Variants in VSIG10 observed in about 807,000 individuals in gnomAD.
VSIG10 encodes V-set and immunoglobulin domain containing 10, also known as V-set and immunoglobulin domain-containing protein 10.
VSIG10 carries 48 observed loss-of-function variants against 58.7 expected under a neutral mutation model. That is an observed-to-expected ratio of 0.82 (90% CI 0.65 to 1.04). The LOEUF (loss-of-function observed/expected upper bound fraction) is 1.04, where lower values mean the gene tolerates loss of function less well. Ranked by LOEUF, VSIG10 falls within the 50% of genes least tolerant of loss-of-function variation. The pLI is 0.00. For synonymous variants in VSIG10, 260 were observed against 267.1 expected (o/e 0.97, Z 0.26); for missense variants, 628 against 670.0 (o/e 0.94, Z 0.69).
chr12:118,103,485 G>C, intron 1 of VSIG10, 108 bp downstream of exon 1: 1 of 1,170,120 alleles, frequency 8.5e-7, no homozygotes, highest in Non-Finnish European at 1.1e-6. Context: ...TCTAGGCTGG[G>C]GCCACCACGG....
chr12:118,073,759 T>A lies in VSIG10; in HGVS notation c.1159A>T (p.Ile387Phe), dbSNP rs770379918. The stretch of plus-strand genomic sequence containing the variant: ...CCTACAGGGCTGTCAGCTCGGCAGA[T>A]GTAGTAGCCCTCATCCAGGTCCTGG... ...CSQDLDEGYY[I>F]CRADSPVGVR... is the part of the protein sequence containing the mutation. Residue 387 changes from isoleucine to phenylalanine, a missense_variant, in exon 5 of 9, where the codon ATC (isoleucine) becomes TTC (phenylalanine). Physicochemically the swap from Ile to Phe is conservative, Grantham distance 21 (BLOSUM62 0). Transcript: ENST00000359236. The A allele has an allele frequency of 6.2e-7, 1 of 1,613,926 alleles. No homozygotes were observed. The highest frequency in any genetic ancestry group is 1.1e-5 in the South Asian group (1 of 91,068).
At chr12:118,099,104 C>T (rs924500044) in intron 1 of VSIG10, among the ~76,000 whole-genome samples, 3 of 150,786 alleles carry the variant, frequency 2.0e-5, no homozygotes, top group Middle Eastern at 3.4e-3. Flanking sequence ...GACAGGTGTC[C>T]GGGTGTGAGT....
chr12:118,103,564 AC>A (rs1271021858), intron 1 of VSIG10, 28 bp downstream of exon 1: 7 of 1,503,274 alleles, frequency 4.7e-6, no homozygotes, highest in Non-Finnish European at 6.2e-6. Flanking sequence ...GGAAAACTCA[AC>A]TTTTCCCTCC....
At chr12:118,095,895 G>T in intron 1 of VSIG10, 81 bp from the exon 2 acceptor site, 1 of 1,322,802 alleles carries the variant, frequency 7.6e-7, no homozygotes, top group Non-Finnish European at 1.0e-6. Context: ...TCCTGTATTA[G>T]GATTTTTTTA....
intron 8 of VSIG10, 97 bp downstream of exon 8, chr12:118,068,280 C>T: frequency 1.6e-6 from 2 of 1,255,018 alleles, no homozygotes; most frequent in South Asian, 3.0e-5. Flanking sequence ...AGTGATCTTC[C>T]CACCTTGGCC....
chr12:118,096,180 T>A (rs1395092685), intron 1 of VSIG10, among the ~76,000 whole-genome samples: 1 of 151,100 alleles, frequency 6.6e-6, no homozygotes, highest in Admixed American at 6.6e-5. Flanking sequence ...GTCAGGCTCA[T>A]GCCTGTAATC....
intron 1 of VSIG10, among the ~76,000 whole-genome samples, chr12:118,096,177 T>C (rs1327429930): frequency 6.6e-6 from 1 of 151,684 alleles, no homozygotes; most frequent in Non-Finnish European, 1.5e-5. Flanking sequence ...AAAGTCAGGC[T>C]CATGCCTGTA....
intron 4 of VSIG10, among the ~76,000 whole-genome samples, chr12:118,076,896 C>G (rs998318470): frequency 6.6e-6 from 1 of 152,044 alleles, no homozygotes; most frequent in African/African-American, 2.4e-5. Context: ...TAGCCGTAAG[C>G]TATCCTCCTG....
Position 118,063,602 on chromosome 12 carries a change from AAT to A in VSIG10, c.*3035_*3036del, listed in dbSNP as rs2032146827. Reference sequence around the variant, plus strand: ...AAGATCACAAAAGCACTTACTTAAAAATAGCTTTATTCCATTATCTTTTAAAA... The same window carrying A: ...AAGATCACAAAAGCACTTACTTAAAAAGCTTTATTCCATTATCTTTTAAAA... On this transcript the variant is annotated 3_prime_UTR_variant, in exon 9 of 9. Transcript: ENST00000359236. The A allele has an allele frequency of 2.6e-5, 4 of 152,180 alleles. No individual in the cohort carries two copies. In the South Asian group the frequency reaches 8.3e-4, roughly 32 times the overall value. The allele number at this position is 152,180 out of a possible 1,614,324, so 9.4% of individuals were successfully genotyped here.
chr12:118,087,281 A>G (rs2033154823), intron 2 of VSIG10, among the ~76,000 whole-genome samples: 1 of 151,890 alleles, frequency 6.6e-6, no homozygotes, highest in Admixed American at 6.6e-5. Context: ...CATTCCAGGC[A>G]GGTTGAATTG....
Position 118,065,709 on chromosome 12 carries a change from A to G in VSIG10, c.*930T>C, listed in dbSNP as rs2032222485. On this transcript the variant is annotated 3_prime_UTR_variant, in exon 9 of 9. Coordinates refer to ENST00000359236, the MANE Select transcript of VSIG10 (RefSeq NM_019086.6). ...TCATATTTAGCAGGTGATCTTACAA[A>G]GATATTTTTCAATAAATGGATTATG... The G allele has an allele frequency of 1.3e-5, 2 of 152,246 alleles. No individual in the cohort carries two copies. The highest frequency in any genetic ancestry group is 4.8e-5 in the African/African-American group (2 of 41,462). 9.4% of individuals were successfully genotyped at this position (152,246 alleles called of 1,614,324 possible). A position where few individuals can be genotyped will look rare whatever the true frequency, so the allele number is the denominator to read the frequency against.
chr12:118,071,551 C>T (rs2032495120), intron 5 of VSIG10, 82 bp from the exon 6 acceptor site: 1 of 1,288,122 alleles, frequency 7.8e-7, no homozygotes, highest in East Asian at 2.3e-5. Flanking sequence ...CTGCGTGGAT[C>T]CAGTTCTTGT....
intron 4 of VSIG10, among the ~76,000 whole-genome samples, chr12:118,076,154 C>T (rs1306235495): frequency 6.6e-6 from 1 of 152,130 alleles, no homozygotes; most frequent in African/African-American, 2.4e-5. Flanking sequence ...TGGCTTAAAG[C>T]ACATTTATTC....
rs1331118949 is a variant in VSIG10, at chr12:118,064,869, T to TA, written c.*1769dup. The TA allele has an allele frequency of 2.0e-5, 3 of 152,224 alleles. No homozygotes were observed. Among genetic ancestry groups the TA allele is most frequent in the Non-Finnish European group, 4.4e-5 (3 of 68,066 alleles). The allele number at this position is 152,224 out of a possible 1,614,324, so 9.4% of individuals were successfully genotyped here. On this transcript the variant is annotated 3_prime_UTR_variant, in exon 9 of 9. Coordinates refer to ENST00000359236, the MANE Select transcript of VSIG10 (RefSeq NM_019086.6). ...ACTTCAGACAACCAGCTTCTCATTTTAGAGTCCCAGTTCCTAGAATTGGAG... is the reference window on the plus strand; with the variant it reads ...ACTTCAGACAACCAGCTTCTCATTTTAAGAGTCCCAGTTCCTAGAATTGGAG...
At chr12:118,098,803 T>G (rs2033543872) in intron 1 of VSIG10, among the ~76,000 whole-genome samples, 1 of 152,080 alleles carries the variant, frequency 6.6e-6, no homozygotes, top group Non-Finnish European at 1.5e-5. Flanking sequence ...ATATAAATTA[T>G]CAAGCCTCAC....
intron 1 of VSIG10, among the ~76,000 whole-genome samples, chr12:118,099,549 G>A (rs2033569221): frequency 6.6e-6 from 1 of 152,152 alleles, no homozygotes; most frequent in South Asian, 2.1e-4. Context: ...TTTCACAATT[G>A]TCCAGCCCCC....
At position 118,073,840 on chromosome 12, in the gene VSIG10, G is replaced by A. The variant is rs376013945; in HGVS notation, c.1078C>T (p.Arg360Cys). The A allele has an allele frequency of 1.5e-5, 24 of 1,613,900 alleles. 1 individual carries two copies. Among genetic ancestry groups the A allele is most frequent in the South Asian group, 2.2e-5 (2 of 91,080 alleles). ...TGGCCATCCTGGGTAATGAGATGGC[G>A]GCTGCTAGGCTGGATGATCACCTCG... ...QPEVIIQPSSRHLITQDGQNS... is the reference protein window; with the variant it reads ...QPEVIIQPSSCHLITQDGQNS... Residue 360 changes from arginine (R) to cysteine (C), a missense_variant, in exon 5 of 9, where the codon CGC (arginine) becomes TGC (cysteine). Physicochemically the swap from Arg to Cys is radical, Grantham distance 180 (BLOSUM62 -3). Coordinates refer to ENST00000359236, the MANE Select transcript of VSIG10 (RefSeq NM_019086.6).
At chr12:118,078,036 T>C (rs548683727) in intron 4 of VSIG10, among the ~76,000 whole-genome samples, 1 of 152,372 alleles carries the variant, frequency 6.6e-6, no homozygotes, top group East Asian at 1.9e-4. Context: ...TTTGAATGTT[T>C]GTCCCCTCCA....
At chr12:118,079,250 C>T (rs1003220997) in intron 4 of VSIG10, 96 bp downstream of exon 4, 90 of 1,497,344 alleles carry the variant, frequency 6.0e-5, no homozygotes, top group African/African-American at 5.6e-5. Flanking sequence ...CCCTGACATC[C>T]GGGGATTTCT....
Sources: allele counts gnomAD v4.1 joint callset (sites outside exome capture counted in the v4.1 genomes callset), GRCh38; gene constraint gnomAD v4.1.1; transcripts MANE v1.5; gene names NCBI Gene and HGNC (gene_info 2026-07-23, HGNC 2026-07-21).